Variants in LY96 observed in about 807,000 individuals in gnomAD.
LY96 encodes myeloid differentiation protein-2.
A neutral mutation model predicts 18.9 loss-of-function variants in LY96; 18 were observed. That is an observed-to-expected ratio of 0.95 (90% CI 0.66 to 1.41). LY96 has a LOEUF of 1.41. Ranked by LOEUF, LY96 falls within the 40% of genes most tolerant of loss-of-function variation. The pLI is 0.00. For synonymous variants in LY96, 66 were observed against 62.6 expected, an observed-to-expected ratio of 1.06 and a Z score of -0.26; for missense variants, 175 against 182.4, an observed-to-expected ratio of 0.96 and a Z score of 0.23.
chr8:74,038,242 AT>A, the LY96 span, among the ~76,000 whole-genome samples: 2 of 152,250 alleles, frequency 1.3e-5, no homozygotes, highest in South Asian at 4.1e-4. Flanking sequence ...AATTACATTA[AT>A]TTTGATTATA....
At chr8:74,023,966 G>C (rs992665131) in intron 3 of LY96, among the ~76,000 whole-genome samples, 1 of 152,170 alleles carries the variant, frequency 6.6e-6, no homozygotes, top group Admixed American at 6.6e-5. Flanking sequence ...TTATGTTCTA[G>C]TAACTTTAAC....
chr8:74,057,677 T>G, the LY96 span, among the ~76,000 whole-genome samples: 1 of 152,210 alleles, frequency 6.6e-6, no homozygotes. Flanking sequence ...CACTTAGGTT[T>G]CTCTCATCCT....
the LY96 span, among the ~76,000 whole-genome samples, chr8:74,046,593 C>A: frequency 6.6e-6 from 1 of 152,052 alleles, no homozygotes; most frequent in Non-Finnish European, 1.5e-5. Context: ...AAACCCCGGA[C>A]AGGATATATG....
the LY96 span, among the ~76,000 whole-genome samples, chr8:74,072,677 G>A: frequency 1.3e-5 from 2 of 152,094 alleles, no homozygotes; most frequent in Non-Finnish European, 2.9e-5. Context: ...CAATCTACCT[G>A]ATGAGGTTTT....
the LY96 span, among the ~76,000 whole-genome samples, chr8:74,063,684 A>C: frequency 1.6e-4 from 24 of 147,232 alleles, no homozygotes; most frequent in African/African-American, 5.8e-4. Flanking sequence ...GCACTTTATA[A>C]ATTTTTATGA....
intron 3 of LY96, among the ~76,000 whole-genome samples, chr8:74,013,924 T>C (rs563032923): frequency 1.3e-5 from 2 of 152,050 alleles, no homozygotes; most frequent in African/African-American, 4.8e-5. Context: ...CCACTGAGAT[T>C]TCCATTTTTA....
the LY96 span, among the ~76,000 whole-genome samples, chr8:74,082,348 G>C: frequency 2.0e-5 from 3 of 152,112 alleles, no homozygotes; most frequent in Non-Finnish European, 4.4e-5. Flanking sequence ...AGATTGTATA[G>C]GTTATCAATA....
chr8:74,036,885 A>G, the LY96 span, among the ~76,000 whole-genome samples: 883 of 152,192 alleles, frequency 5.8e-3, 7 homozygotes, highest in African/African-American at 0.019. Context: ...TTCATTCCTT[A>G]TGGGGAGGGG....
At chr8:74,069,350 G>A in the LY96 span, among the ~76,000 whole-genome samples, 174 of 152,236 alleles carry the variant, frequency 1.1e-3, no homozygotes, top group Non-Finnish European at 2.0e-3. Context: ...TTGAATCAAA[G>A]GTGTGAAGTG....
At chr8:74,016,652 T>A (rs1816648313) in intron 3 of LY96, among the ~76,000 whole-genome samples, 1 of 152,200 alleles carries the variant, frequency 6.6e-6, no homozygotes, top group South Asian at 2.1e-4. Flanking sequence ...CCCTCTGAGA[T>A]GAAGCTTCCA....
At chr8:74,027,342 T>C (rs1384315052) in intron 4 of LY96, among the ~76,000 whole-genome samples, 3 of 151,174 alleles carry the variant, frequency 2.0e-5, no homozygotes, top group Non-Finnish European at 4.4e-5. Flanking sequence ...TGAGTCTTGC[T>C]CTGTTGCCCA....
At chr8:74,060,361 G>C in the LY96 span, among the ~76,000 whole-genome samples, 1 of 152,160 alleles carries the variant, frequency 6.6e-6, no homozygotes, top group Non-Finnish European at 1.5e-5. Context: ...ATAGGCAATA[G>C]GCCATTCTTA....
chr8:74,001,062 A>C (rs1239728860), intron 1 of LY96, among the ~76,000 whole-genome samples: 1 of 152,172 alleles, frequency 6.6e-6, no homozygotes, highest in Non-Finnish European at 1.5e-5. Context: ...TTTCCAATGC[A>C]TGAACTTCAG....
At chr8:74,045,376 A>C in the LY96 span, among the ~76,000 whole-genome samples, 2 of 152,260 alleles carry the variant, frequency 1.3e-5, no homozygotes, top group African/African-American at 2.4e-5. Flanking sequence ...GGCACTGTTC[A>C]GTTCTACTTA....
At chr8:73,992,498 A>G (rs1296860861) in intron 1 of LY96, among the ~76,000 whole-genome samples, 1 of 152,126 alleles carries the variant, frequency 6.6e-6, no homozygotes, top group African/African-American at 2.4e-5. Flanking sequence ...GTTTAACCAC[A>G]TTTTCAATTT....
At chr8:74,031,862 GCCTGTAATCGCA>G (rs1254348939), downstream of LY96, among the ~76,000 whole-genome samples, 2 of 151,000 alleles carry the variant, frequency 1.3e-5, no homozygotes, top group Non-Finnish European at 2.9e-5. Context: ...GGTGGCTTCT[GCCTGTAATCGCA>G]CCACTTTGGG....
At chr8:74,083,219 A>T in the LY96 span, among the ~76,000 whole-genome samples, 5 of 151,918 alleles carry the variant, frequency 3.3e-5, no homozygotes, top group African/African-American at 1.2e-4. Context: ...TTATTTTTTA[A>T]TTTTTATTTT....
chr8:74,026,485 TG>T, intron 3 of LY96, among the ~76,000 whole-genome samples: 1 of 152,246 alleles, frequency 6.6e-6, no homozygotes, highest in Non-Finnish European at 1.5e-5. Flanking sequence ...AATGCACATA[TG>T]TAACTTGTTC....
At chr8:74,065,972 G>T in the LY96 span, among the ~76,000 whole-genome samples, 1 of 152,170 alleles carries the variant, frequency 6.6e-6, no homozygotes, top group South Asian at 2.1e-4. Context: ...AAAACTATCT[G>T]GACATTCTAT....
Sources: allele counts gnomAD v4.1 joint callset (sites outside exome capture counted in the v4.1 genomes callset), GRCh38; gene constraint gnomAD v4.1.1; transcripts MANE v1.5; gene names NCBI Gene and HGNC (gene_info 2026-07-23, HGNC 2026-07-21).